Variants in TBXAS1 observed in about 807,000 individuals in gnomAD.
TBXAS1 encodes thromboxane-A synthase.
A neutral mutation model predicts 60.7 loss-of-function variants in TBXAS1; 48 were observed. The ratio of observed to expected loss-of-function variants is 0.79; its 90% CI spans 0.63 to 1.01. TBXAS1 has a LOEUF of 1.01. Ranked by LOEUF, TBXAS1 falls within the 50% of genes least tolerant of loss-of-function variation. The pLI is 0.00. For missense variants in TBXAS1, 685 were observed against 686.3 expected (o/e 1.00, Z 0.02); for synonymous variants, 287 against 269.7 (o/e 1.06, Z -0.63).
chr7:139,969,980 G>C (rs1811073631), intron 9 of TBXAS1, among the ~76,000 whole-genome samples: 1 of 152,220 alleles, frequency 6.6e-6, no homozygotes, highest in Non-Finnish European at 1.5e-5. Context: ...AACGGGCTGT[G>C]GCACCGGCCC....
rs149005364 is a variant in TBXAS1 at position 139,916,731 on chromosome 7, C to T, written c.333+5410C>T. Among the ~76,000 whole-genome samples, 2 of 152,298 alleles carry T rather than the reference C, an allele frequency of 1.3e-5. No individual in the cohort carries two copies. Among genetic ancestry groups the T allele is most frequent in the Admixed American group, 6.5e-5 (1 of 15,294 alleles). On this transcript the variant is annotated intron_variant, in intron 4 of 12. Transcript: ENST00000448866. This position sits in a 1 kb window ranked among gnomAD's most constrained non-coding sequence, Gnocchi z 4.2. ...CTCTGTATCTGCAGCAGCCTCCTAT[C>T]GAAGGAAGAAAAGAGTATGTTGGCT...
upstream of TBXAS1, among the ~76,000 whole-genome samples, chr7:139,827,940 A>G (rs1798489729): frequency 6.6e-6 from 1 of 152,202 alleles, no homozygotes; most frequent in African/African-American, 2.4e-5. Context: ...ACTCTGGATA[A>G]CCTGATGACA....
At chr7:139,888,187 T>C (rs547363980) in intron 3 of TBXAS1, among the ~76,000 whole-genome samples, 1 of 152,356 alleles carries the variant, frequency 6.6e-6, no homozygotes, top group African/African-American at 2.4e-5. Flanking sequence ...CCAGTAGTCC[T>C]CACCCAGAGC....
chr7:139,965,809 C>G (rs991288724), intron 9 of TBXAS1, among the ~76,000 whole-genome samples: 2 of 152,114 alleles, frequency 1.3e-5, no homozygotes, highest in Non-Finnish European at 2.9e-5. Flanking sequence ...TTTGCATAGC[C>G]TTGCACATGG....
At chr7:139,963,966 G>A (rs539901281) in intron 9 of TBXAS1, among the ~76,000 whole-genome samples, 3 of 152,302 alleles carry the variant, frequency 2.0e-5, no homozygotes, top group East Asian at 3.9e-4. Context: ...TGTCAAGAGT[G>A]TCTGGGACTC....
At chr7:139,997,113 T>A (rs867748749) in intron 9 of TBXAS1, among the ~76,000 whole-genome samples, 1 of 152,162 alleles carries the variant, frequency 6.6e-6, no homozygotes, top group Non-Finnish European at 1.5e-5. Flanking sequence ...AAATAAATGG[T>A]TTCCCAAATA....
chr7:139,779,538 C>T (rs1796908829), intron 1 of TBXAS1, among the ~76,000 whole-genome samples: 1 of 152,240 alleles, frequency 6.6e-6, no homozygotes. Flanking sequence ...CCCAATGTCA[C>T]ACAGTATTGA....
chr7:139,801,866 C>T (rs556914960), intron 4 of TBXAS1, among the ~76,000 whole-genome samples: 6 of 152,234 alleles, frequency 3.9e-5, no homozygotes, highest in Admixed American at 1.3e-4. Context: ...CAGGTTCAAG[C>T]GATTCTTCTG....
intron 5 of TBXAS1, 77 bp downstream of exon 5, chr7:139,936,384 C>T (rs1807794243): frequency 7.2e-7 from 1 of 1,396,890 alleles, no homozygotes; most frequent in Non-Finnish European, 1.0e-6. Context: ...AGAGCCAGTT[C>T]ATGTTGCATC....
At position 139,778,775 on chromosome 7, in the gene TBXAS1, C is replaced by A. The variant is rs1252005122; in HGVS notation, c.-318+304C>A. Among the ~76,000 whole-genome samples, 1 of 152,168 alleles carries A rather than the reference C, an allele frequency of 6.6e-6. No homozygotes were observed. The highest frequency in any genetic ancestry group is 2.4e-5 in the African/African-American group (1 of 41,440). ...CAGCGCTCTCTCCTATCAGGGCTTC[C>A]GCTAAACACTCTCCAGACTCTCCCC... On this transcript the variant is annotated intron_variant, in intron 1 of 16. Transcript: ENST00000336425. The surrounding 1 kb of genome is among the most constrained non-coding windows in gnomAD (Gnocchi z 4.8).
At chr7:139,921,555 T>C (rs1372081510) in intron 4 of TBXAS1, among the ~76,000 whole-genome samples, 1 of 152,028 alleles carries the variant, frequency 6.6e-6, no homozygotes, top group African/African-American at 2.4e-5. Flanking sequence ...ATTTTTAAAT[T>C]AGCCAGGCCC....
intron 5 of TBXAS1, chr7:139,952,662 C>T (rs550050768): frequency 1.3e-6 from 2 of 1,536,718 alleles, no homozygotes; most frequent in Middle Eastern, 3.3e-4. Context: ...CTATGTGAAT[C>T]TCCATTATGC....
intron 4 of TBXAS1, among the ~76,000 whole-genome samples, chr7:139,788,448 A>G (rs1351542666): frequency 6.6e-6 from 1 of 152,254 alleles, no homozygotes; most frequent in Non-Finnish European, 1.5e-5. Context: ...AGTGTCTAGA[A>G]CAGTGCCTTG....
At chr7:139,900,873 T>C (rs1035230086) in intron 3 of TBXAS1, among the ~76,000 whole-genome samples, 3 of 152,162 alleles carry the variant, frequency 2.0e-5, no homozygotes, top group Non-Finnish European at 4.4e-5. Flanking sequence ...GAAGGATCCA[T>C]ACCGGCCTGG....
chr7:139,990,136 TCTC>T (rs1349353708), intron 9 of TBXAS1, among the ~76,000 whole-genome samples: 1 of 152,204 alleles, frequency 6.6e-6, no homozygotes. Context: ...TTGCTTCTGT[TCTC>T]CTCTCCTCCC....
At chr7:139,920,016 C>T (rs536291729) in intron 4 of TBXAS1, among the ~76,000 whole-genome samples, 1 of 152,316 alleles carries the variant, frequency 6.6e-6, no homozygotes, top group South Asian at 2.1e-4. Context: ...ATCACAGACA[C>T]CATTCAGAGC....
chr7:139,928,700 C>T (rs1360700665), intron 4 of TBXAS1, among the ~76,000 whole-genome samples: 1 of 152,210 alleles, frequency 6.6e-6, no homozygotes, highest in Non-Finnish European at 1.5e-5. Context: ...CCCGTTGCTT[C>T]TCCTCTTTCC....
At chr7:139,989,944 G>A (rs1228748163) in intron 9 of TBXAS1, among the ~76,000 whole-genome samples, 6 of 152,144 alleles carry the variant, frequency 3.9e-5, no homozygotes, top group African/African-American at 1.2e-4. Context: ...GAATCAAGCC[G>A]ACTTGGCTTT....
chr7:139,789,373 T>G (rs1353681484), intron 4 of TBXAS1: 1 of 151,828 alleles, frequency 6.6e-6, no homozygotes, highest in African/African-American at 2.4e-5. Context: ...GCCCCCAAAG[T>G]AGCTGGGACT....
Sources: allele counts gnomAD v4.1 joint callset (sites outside exome capture counted in the v4.1 genomes callset), GRCh38; gene constraint gnomAD v4.1.1; non-coding constraint Gnocchi (gnomAD v3.1); transcripts MANE v1.5; gene names NCBI Gene and HGNC (gene_info 2026-07-23, HGNC 2026-07-21).